EMC3: variants seen among roughly 807,000 people sequenced by gnomAD.
EMC3 encodes 30 kDa protein.
EMC3 carries 13 observed loss-of-function variants against 36.6 expected under a neutral mutation model. The ratio of observed to expected loss-of-function variants is 0.35; its 90% CI spans 0.23 to 0.56. The LOEUF (loss-of-function observed/expected upper bound fraction) is 0.56, where lower values mean the gene tolerates loss of function less well. Among genes scored for constraint, EMC3 ranks in the 20% least tolerant of loss-of-function variants. EMC3 has a pLI of 0.84. For missense variants in EMC3, 220 were observed against 324.5 expected (o/e 0.68, Z 2.47); for synonymous variants, 120 against 111.9 (o/e 1.07, Z -0.46).
At chr3:10,006,897 A>G in intron 1 of EMC3, 1 of 344,916 alleles carries the variant, frequency 2.9e-6, no homozygotes, top group Non-Finnish European at 5.7e-6. Context: ...CGAGGCGCCC[A>G]GGTTGTCGTC....
intron 1 of EMC3, 59 bp downstream of exon 1, chr3:9,986,448 C>CA: frequency 1.3e-6 from 2 of 1,594,502 alleles, no homozygotes; most frequent in Non-Finnish European, 1.7e-6. Flanking sequence ...ACAACTCCTG[C>CA]ACTTTTTTGC....
intron 4 of EMC3, 61 bp from the exon 5 acceptor site, chr3:9,973,770 C>T: frequency 1.3e-6 from 2 of 1,488,050 alleles, no homozygotes; most frequent in Non-Finnish European, 1.9e-6. Context: ...ATAAGTGTGA[C>T]TCTTTCTCAG....
At position 9,977,059 on chromosome 3, in the gene EMC3, A is replaced by G. The variant is rs760722539; in HGVS notation, c.214-9T>C. Reference sequence around the variant, plus strand: ...TTTCGTGTCAAGAAAGACTAGTAAAAAAAAAAAAAAGTGTTTTAAGTCTAA... The same window carrying G: ...TTTCGTGTCAAGAAAGACTAGTAAAGAAAAAAAAAAGTGTTTTAAGTCTAA... On this transcript the variant is annotated splice_polypyrimidine_tract_variant and intron_variant, in intron 2 of 7. Coordinates refer to ENST00000245046, the MANE Select transcript of EMC3 (RefSeq NM_001394674.1). 6.4e-7 allele frequency: 1 copy of G among 1,572,288 alleles called. No homozygotes were observed.
chr3:9,991,824 G>A (rs533991280), upstream of EMC3, among the ~76,000 whole-genome samples: 8 of 152,282 alleles, frequency 5.3e-5, no homozygotes, highest in South Asian at 6.2e-4. Flanking sequence ...TCCACAGACC[G>A]TTTCGGGGCA....
chr3:10,005,244 TA>T lies in EMC3; in HGVS notation c.-242+5778del, dbSNP rs34563279. On this transcript the variant is annotated intron_variant, in intron 1 of 8. Transcript: ENST00000470827. ...CTGTCAGCCCTGCAGTACTGCCACT[TA>T]AAAAAAAAAAAAAAATCACACATCC... The T allele has an allele frequency of 4.8e-3, 682 of 142,816 alleles. 1 individual carries two copies. The highest frequency in any genetic ancestry group is 8.2e-3 in the Admixed American group (118 of 14,328). The allele number at this position is 142,816 out of a possible 1,614,324, so 8.8% of individuals were successfully genotyped here.
intron 1 of EMC3, chr3:10,002,726 A>C (rs1377983861): frequency 2.4e-6 from 1 of 422,138 alleles, no homozygotes; most frequent in Non-Finnish European, 4.8e-6. Context: ...GTAACAGAGT[A>C]TGCAAGAGGA....
intron 1 of EMC3, chr3:10,002,827 A>T: frequency 2.2e-6 from 1 of 456,672 alleles, no homozygotes; most frequent in South Asian, 1.5e-5. Context: ...CACGCAGAGC[A>T]CCAGCAACAG....
intron 1 of EMC3, among the ~76,000 whole-genome samples, chr3:9,999,625 T>TGATTTAAA (rs1229946242): frequency 1.3e-5 from 2 of 152,190 alleles, no homozygotes; most frequent in Non-Finnish European, 2.9e-5. Context: ...TTTTAAAGTG[T>TGATTTAAA]GTATTCTAAT....
At chr3:9,986,889 G>C (rs953072232), upstream of EMC3, 2 of 1,336,156 alleles carry the variant, frequency 1.5e-6, no homozygotes, top group East Asian at 2.9e-5. Flanking sequence ...AGTGGCGTCA[G>C]AGCGGCGTCG....
At chr3:9,970,551 A>G (rs2085774703) in intron 6 of EMC3, 31 bp downstream of exon 6, 1 of 1,609,050 alleles carries the variant, frequency 6.2e-7, no homozygotes. Context: ...CTATGGAAGT[A>G]TTTGCTTAGT....
At chr3:10,004,348 C>T (rs1315264767) in intron 1 of EMC3, 1 of 152,180 alleles carries the variant, frequency 6.6e-6, no homozygotes, top group Non-Finnish European at 1.5e-5. Flanking sequence ...CCAAAACAAC[C>T]CAGCTTTTGG....
At chr3:9,997,553 G>A (rs2086142207) in intron 1 of EMC3, among the ~76,000 whole-genome samples, 1 of 152,160 alleles carries the variant, frequency 6.6e-6, no homozygotes, top group Admixed American at 6.5e-5. Flanking sequence ...TCTGCCTCCT[G>A]GGTTCAAGCA....
chr3:9,986,744 C>T lies in EMC3; in HGVS notation c.-83G>A. The T allele has an allele frequency of 6.4e-7, 1 of 1,574,418 alleles. No homozygotes were observed. Among genetic ancestry groups the T allele is most frequent in the Non-Finnish European group, 8.6e-7 (1 of 1,160,708 alleles). On this transcript the variant is annotated 5_prime_UTR_variant, in exon 1 of 8. Transcript: ENST00000245046. The stretch of plus-strand genomic sequence containing the variant: ...AGTTGCTTCTCTTCGGCTTCGCCTC[C>T]GGGCCTTCTCAAGCCCCTTTGCCCG...
chr3:10,003,039 TCAA>T (rs1360923759), intron 1 of EMC3: 1 of 453,884 alleles, frequency 2.2e-6, no homozygotes, highest in Non-Finnish European at 4.4e-6. Flanking sequence ...CATCCCAGGC[TCAA>T]CAAGCCGCCC....
chr3:9,967,603 G>A (rs1402567212), intron 7 of EMC3, among the ~76,000 whole-genome samples: 1 of 152,152 alleles, frequency 6.6e-6, no homozygotes, highest in Non-Finnish European at 1.5e-5. Context: ...TTACTGTGCA[G>A]TTTTGATTAC....
chr3:9,993,146 A>G (rs562749092), intron 1 of EMC3: 80 of 642,624 alleles, frequency 1.2e-4, no homozygotes, highest in Non-Finnish European at 2.0e-4. Flanking sequence ...TAACATTTTA[A>G]TTGTCTATCT....
In EMC3 at chr3:9,986,555, A is replaced by G. The variant is rs2085975000; in HGVS notation, c.107T>C (p.Ile36Thr). ...GAGCTTCTTGTCGCTCTGCAGCAGG[A>G]TGGACACGTAGTGGCGGATCATGCC... ...FVGMIRHYVSILLQSDKKLTQ... is the reference protein window; with the variant it reads ...FVGMIRHYVSTLLQSDKKLTQ... Residue 36 changes from isoleucine (I) to threonine (T), a missense_variant, in exon 1 of 8, where the codon ATC (isoleucine) becomes ACC (threonine). Ile to Thr is a moderately conservative substitution (Grantham distance 89). Transcript: ENST00000245046. 6.2e-7 allele frequency: 1 copy of G among 1,614,184 alleles called. No individual in the cohort carries two copies. The highest frequency in any genetic ancestry group is 8.5e-7 in the Non-Finnish European group (1 of 1,180,028).
chr3:9,969,518 C>A, intron 7 of EMC3: 1 of 1,453,558 alleles, frequency 6.9e-7, no homozygotes. Context: ...ATTTAAAAAC[C>A]AGTAAAAGCA....
intron 1 of EMC3, among the ~76,000 whole-genome samples, chr3:9,994,789 C>G (rs2086103171): frequency 6.6e-6 from 1 of 152,074 alleles, no homozygotes; most frequent in Non-Finnish European, 1.5e-5. Context: ...CCATCCTGGT[C>G]TCGAACTCCT....
Sources: gnomAD v4.1 joint callset for allele counts (sites outside exome capture counted in the v4.1 genomes callset) on GRCh38, gnomAD v4.1.1 for gene constraint, MANE v1.5 for transcripts, NCBI Gene and HGNC (gene_info 2026-07-23, HGNC 2026-07-21) for gene names.